INPP1: variants seen among roughly 807,000 people sequenced by gnomAD.
INPP1 encodes inositol polyphosphate-1-phosphatase.
A neutral mutation model predicts 23.0 loss-of-function variants in INPP1; 18 were observed. The observed-to-expected ratio is 0.78, with a 90% CI of 0.54 to 1.16. The LOEUF is 1.16. Among genes scored for constraint, INPP1 ranks in the 50% most tolerant of loss-of-function variants. INPP1 has a pLI of 0.00. For synonymous variants in INPP1, 164 were observed against 176.3 expected, an observed-to-expected ratio of 0.93 and a Z score of 0.55; for missense variants, 448 against 482.1, an observed-to-expected ratio of 0.93 and a Z score of 0.66.
intron 6 of INPP1, among the ~76,000 whole-genome samples, 179 bp from the exon 7 acceptor site, chr2:190,370,665 A>G (rs1460393675): frequency 2.0e-5 from 3 of 152,260 alleles, no homozygotes; most frequent in African/African-American, 7.2e-5. Context: ...AGCTGCATGC[A>G]TATAAGTAAC....
intron 1 of INPP1, among the ~76,000 whole-genome samples, 167 bp from the exon 2 acceptor site, chr2:190,348,721 C>T (rs1192447655): frequency 6.6e-6 from 1 of 152,168 alleles, no homozygotes; most frequent in Non-Finnish European, 1.5e-5. Flanking sequence ...TCAGAATTTC[C>T]TTTCTTTTTA....
chr2:190,350,266 C>T (rs1689300814), intron 2 of INPP1, among the ~76,000 whole-genome samples: 2 of 152,292 alleles, frequency 1.3e-5, no homozygotes, highest in East Asian at 3.9e-4. Context: ...CTATGTAGAT[C>T]AACTATTTTT....
intron 2 of INPP1, among the ~76,000 whole-genome samples, chr2:190,353,112 T>C (rs1040236122): frequency 2.0e-5 from 3 of 152,194 alleles, no homozygotes; most frequent in Non-Finnish European, 4.4e-5. Flanking sequence ...GGCAGGCCCT[T>C]ATCTATGTCA....
At chr2:190,366,526 GCT>G (rs1486584888) in intron 4 of INPP1, among the ~76,000 whole-genome samples, 167 bp from the exon 5 acceptor site, 1 of 122,490 alleles carries the variant, frequency 8.2e-6, no homozygotes, top group African/African-American at 3.1e-5. Flanking sequence ...TCACTCTCTT[GCT>G]CTGTCTCTCT....
At chr2:190,344,843 A>T (rs1466256558) in intron 1 of INPP1, among the ~76,000 whole-genome samples, 2 of 152,230 alleles carry the variant, frequency 1.3e-5, no homozygotes, top group Non-Finnish European at 2.9e-5. Context: ...AAAAGTATGG[A>T]CAGACCACTT....
rs571249661 is a variant in INPP1 at position 190,353,968 on chromosome 2, C to T, written c.-65+4937C>T. Among the ~76,000 whole-genome samples, 15 of 152,278 alleles carry T rather than the reference C, an allele frequency of 9.9e-5. No individual in the cohort carries two copies. The South Asian group carries it at 3.1e-3, about 32-fold the overall frequency. Reference sequence around the variant, plus strand: ...TTAGTAGCTCTCCAACTGGACTAGACAATCCTACAAAAGCAAAAGAGACCC... The same window carrying T: ...TTAGTAGCTCTCCAACTGGACTAGATAATCCTACAAAAGCAAAAGAGACCC... On this transcript the variant is annotated intron_variant, in intron 2 of 6. Coordinates refer to ENST00000392329, the MANE Select transcript of INPP1 (RefSeq NM_001128928.2).
intron 2 of INPP1, among the ~76,000 whole-genome samples, chr2:190,359,471 G>T (rs1689489371): frequency 6.6e-6 from 1 of 151,522 alleles, no homozygotes; most frequent in African/African-American, 2.4e-5. Flanking sequence ...GCAGGAGGAT[G>T]GCGTGAACCC....
intron 1 of INPP1, 39 bp downstream of exon 1, chr2:190,344,000 C>A: frequency 3.0e-6 from 1 of 328,328 alleles, no homozygotes; most frequent in Non-Finnish European, 6.4e-6. Context: ...ACCACAGGGT[C>A]CCCGCGCCGC....
At chr2:190,353,312 C>T (rs1461424352) in intron 2 of INPP1, among the ~76,000 whole-genome samples, 1 of 152,186 alleles carries the variant, frequency 6.6e-6, no homozygotes, top group African/African-American at 2.4e-5. Flanking sequence ...CCTCTAGGAG[C>T]CAGGGTTTCC....
At chr2:190,350,006 G>C (rs973984927) in intron 2 of INPP1, among the ~76,000 whole-genome samples, 1 of 152,094 alleles carries the variant, frequency 6.6e-6, no homozygotes, top group Admixed American at 6.5e-5. Flanking sequence ...CACCACGCCT[G>C]GCTAATTTTT....
At chr2:190,361,406 G>A (rs1559083248) in intron 3 of INPP1, among the ~76,000 whole-genome samples, 2 of 152,194 alleles carry the variant, frequency 1.3e-5, no homozygotes, top group African/African-American at 2.4e-5. Context: ...GACCACAGGC[G>A]AAGAGATGAA....
chr2:190,369,148 A>T lies in INPP1; in HGVS notation c.512A>T (p.Asn171Ile), dbSNP rs759575263. 1.2e-6 allele frequency: 2 copies of T among 1,606,974 alleles called. No homozygotes were observed. The highest frequency in any genetic ancestry group is 1.7e-6 in the Non-Finnish European group (2 of 1,174,746). The part of the protein sequence containing the change: ...YIKGSADIKS[N>I]QGIFPCGLQC... Reference sequence around the variant, plus strand: ...AAAGGTTCTGCTGACATTAAATCCAACCAGGGAATCTTCCCCTGTGGACTT... The same window carrying T: ...AAAGGTTCTGCTGACATTAAATCCATCCAGGGAATCTTCCCCTGTGGACTT... Residue 171 changes from asparagine (N) to isoleucine (I), a missense_variant, in exon 6 of 7, where the codon AAC becomes ATC. Transcript: ENST00000392329.
In INPP1 at chr2:190,362,604, T is replaced by C. The variant is rs3791820; in HGVS notation, c.205-23T>C. Reference sequence around the variant, plus strand: ...TATGTGTGGGTTTTTGTTTTGTTTTTCGTCATACTCTGAATCATTCAGTTT... The same window carrying C: ...TATGTGTGGGTTTTTGTTTTGTTTTCCGTCATACTCTGAATCATTCAGTTT... On this transcript the variant is annotated intron_variant, in intron 3 of 6. Transcript: ENST00000392329. 462 of 1,553,682 alleles carry C rather than the reference T, an allele frequency of 3.0e-4. 6 individuals are homozygous for C. The East Asian group carries it at 0.01, about 34-fold the overall frequency.
chr2:190,354,948 ATTTT>A lies in INPP1; in HGVS notation c.-64-5080_-64-5077del, dbSNP rs11286107. Among the ~76,000 whole-genome samples, 37 of 142,646 alleles carry A rather than the reference ATTTT, an allele frequency of 2.6e-4. No homozygotes were observed. The highest frequency in any genetic ancestry group is 7.7e-4 in the African/African-American group (30 of 38,834). 93.6% of individuals were successfully genotyped at this position (142,646 alleles called of 152,430 possible). ...GGGGTGTGTGTGTGTGTGTGTGTGC[ATTTT>A]TTTTTTTTTTGCTATATAATGTACC... On this transcript the variant is annotated intron_variant, in intron 2 of 6. Coordinates refer to ENST00000392329, the MANE Select transcript of INPP1 (RefSeq NM_001128928.2). This position sits in a 1 kb window ranked among gnomAD's most constrained non-coding sequence, Gnocchi z 4.8.
At chr2:190,369,680 A>G (rs1331515936) in intron 6 of INPP1, among the ~76,000 whole-genome samples, 1 of 152,254 alleles carries the variant, frequency 6.6e-6, no homozygotes, top group African/African-American at 2.4e-5. Flanking sequence ...GAAGTTCAAA[A>G]CAAAATGTGA....
In INPP1 at chr2:190,363,227, G is replaced by C. The variant is rs535345084; in HGVS notation, c.265+540G>C. On this transcript the variant is annotated intron_variant, in intron 4 of 6. Coordinates refer to ENST00000392329, the MANE Select transcript of INPP1 (RefSeq NM_001128928.2). The surrounding 1 kb of genome is among the most constrained non-coding windows in gnomAD (Gnocchi z 4.4). ...ACTAAAAGATTCCTTTTAGTACTAA[G>C]TTTTTTGGTTTGTTTGTTTGTTTTT... Among the ~76,000 whole-genome samples the C allele has an allele frequency of 1.6e-4, 24 of 152,224 alleles. No homozygotes were observed. Among genetic ancestry groups the C allele is most frequent in the Non-Finnish European group, 2.8e-4 (19 of 67,998 alleles).
rs369032321 is a variant in INPP1, at chr2:190,345,544, A to G, written c.-209+1583A>G. The G allele has an allele frequency of 2.0e-5, 3 of 152,256 alleles. No homozygotes were observed. The highest frequency in any genetic ancestry group is 4.4e-5 in the Non-Finnish European group (3 of 68,038). The allele number at this position is 152,256 out of a possible 1,614,324, so 9.4% of individuals were successfully genotyped here. A position where few individuals can be genotyped will look rare whatever the true frequency, so the allele number is the denominator to read the frequency against. On this transcript the variant is annotated intron_variant, in intron 1 of 6. Transcript: ENST00000392329. The surrounding 1 kb of genome is among the most constrained non-coding windows in gnomAD (Gnocchi z 4.9). ...ATAATTATGTTATATAAAGTGATCA[A>G]TGAAAACAAACGTCATCTTCATTTT...
At chr2:190,362,089 T>C (rs1483456758) in intron 3 of INPP1, among the ~76,000 whole-genome samples, 1 of 152,218 alleles carries the variant, frequency 6.6e-6, no homozygotes, top group Non-Finnish European at 1.5e-5. Flanking sequence ...AAAATCTTTC[T>C]CTTTTTTCAT....
rs1289641551 is a variant in INPP1 at position 190,355,640 on chromosome 2, A to G, written c.-64-4399A>G. Among the ~76,000 whole-genome samples the G allele has an allele frequency of 6.6e-6, 1 of 152,216 alleles. No individual in the cohort carries two copies. The highest frequency in any genetic ancestry group is 6.5e-5 in the Admixed American group (1 of 15,274). ...TCAGAACATCCATTGAGAAATACTAATCAAAAGGAATTTCTTCTATAGTCA... is the reference window on the plus strand; with the variant it reads ...TCAGAACATCCATTGAGAAATACTAGTCAAAAGGAATTTCTTCTATAGTCA... On this transcript the variant is annotated intron_variant, in intron 2 of 6. Coordinates refer to ENST00000392329, the MANE Select transcript of INPP1 (RefSeq NM_001128928.2). The surrounding 1 kb of genome is among the most constrained non-coding windows in gnomAD (Gnocchi z 5.1).
Sources: gnomAD v4.1 joint callset for allele counts (sites outside exome capture counted in the v4.1 genomes callset) on GRCh38, gnomAD v4.1.1 for gene constraint, Gnocchi (gnomAD v3.1) non-coding constraint, MANE v1.5 for transcripts, NCBI Gene and HGNC (gene_info 2026-07-23, HGNC 2026-07-21) for gene names.